Variants in H6PD observed in about 807,000 individuals in gnomAD.
H6PD encodes the protein hexose-6-phosphate dehydrogenase/glucose 1-dehydrogenase.
Under a neutral mutation model 61.2 loss-of-function variants are expected in H6PD, and 48 were observed. The ratio of observed to expected loss-of-function variants is 0.78; its 90% CI spans 0.62 to 1.00. The LOEUF is 1.00. Ranked by LOEUF, H6PD falls within the 50% of genes least tolerant of loss-of-function variation. The pLI, the probability that H6PD is intolerant of heterozygous loss-of-function variation, is 0.00. For missense variants in H6PD, 1,093 were observed against 1,065.0 expected, an observed-to-expected ratio of 1.03 and a Z score of -0.37; for synonymous variants, 480 against 457.9, an observed-to-expected ratio of 1.05 and a Z score of -0.62.
chr1:9,248,681 G>C lies in H6PD; in HGVS notation c.745+1598G>C, dbSNP rs553607852. 9.3e-5 allele frequency among the ~76,000 whole-genome samples: 14 copies of C among 150,798 alleles called. No homozygotes were observed. In the South Asian group the frequency reaches 2.1e-3, roughly 23 times the overall value. The stretch of plus-strand genomic sequence containing the variant: ...GGGTGTTGCAGGCAGGCAGCGTGGT[G>C]GGGGGACAATGTGGGGGGTGGGCGG... On this transcript the variant is annotated intron_variant, in intron 3 of 4. Coordinates refer to ENST00000377403, the MANE Select transcript of H6PD (RefSeq NM_004285.4).
Position 9,234,787 on chromosome 1 carries a change from G to T in H6PD, c.-290G>T, listed in dbSNP as rs1447870421. On this transcript the variant is annotated 5_prime_UTR_variant, in exon 1 of 5. Transcript: ENST00000377403. ...GGCCCGGGCCCCAGTCTTGCTGAGC[G>T]CAAGGCGGTGGAGGCCTGAGGCCTG... 2 of 146,452 alleles carry T rather than the reference G, an allele frequency of 1.4e-5. No individual in the cohort carries two copies. The highest frequency in any genetic ancestry group is 4.9e-5 in the African/African-American group (2 of 40,640). The allele number at this position is 146,452 out of a possible 1,614,324, so 9.1% of individuals were successfully genotyped here. A position where few individuals can be genotyped will look rare whatever the true frequency, so the allele number is the denominator to read the frequency against.
chr1:9,263,685 C>T lies in H6PD; in HGVS notation c.1192C>T (p.Leu398Phe). The change falls in exon 5 of 5, where the codon CTC becomes TTC. Residue 398 changes from leucine to phenylalanine, a missense_variant. Physicochemically the swap from Leu to Phe is conservative, Grantham distance 22. Transcript: ENST00000377403. ...AAQSQCLPRQLVFHIGHGDLG... is the reference protein window; with the variant it reads ...AAQSQCLPRQFVFHIGHGDLG... ...GCAGAGCCAGTGCCTGCCCCGGCAG[C>T]TCGTCTTCCACATCGGCCATGGCGA... 1 of 1,614,046 alleles carries T rather than the reference C, an allele frequency of 6.2e-7. No individual in the cohort carries two copies. Among genetic ancestry groups the T allele is most frequent in the Non-Finnish European group, 8.5e-7 (1 of 1,180,016 alleles).
At chr1:9,246,350 A>G (rs1389097411) in intron 2 of H6PD, among the ~76,000 whole-genome samples, 3 of 152,258 alleles carry the variant, frequency 2.0e-5, no homozygotes, top group African/African-American at 7.2e-5. Context: ...AGTCCTGGGC[A>G]GGAGCATGGG....
At position 9,235,003 on chromosome 1, in the gene H6PD, C is replaced by T. The variant is rs1025649623; in HGVS notation, c.-74C>T. On this transcript the variant is annotated 5_prime_UTR_variant, in exon 1 of 5. Coordinates refer to ENST00000377403, the MANE Select transcript of H6PD (RefSeq NM_004285.4). ...CGCAGGGGAGCCCTCGGGAGCGGGC[C>T]CGGCCCTCAGCGCCGCCCCGGCCGT... The T allele has an allele frequency of 6.8e-6, 1 of 148,094 alleles. No homozygotes were observed. The highest frequency in any genetic ancestry group is 6.7e-5 in the Admixed American group (1 of 14,916). The allele number at this position is 148,094 out of a possible 1,614,324, so 9.2% of individuals were successfully genotyped here. A position where few individuals can be genotyped will look rare whatever the true frequency, so the allele number is the denominator to read the frequency against.
chr1:9,256,825 T>G (rs1641535182), intron 3 of H6PD, among the ~76,000 whole-genome samples: 1 of 152,148 alleles, frequency 6.6e-6, no homozygotes, highest in African/African-American at 2.4e-5. Flanking sequence ...CTGACCTATT[T>G]CCTCATCTTA....
chr1:9,253,484 T>G (rs1008409172), intron 3 of H6PD, among the ~76,000 whole-genome samples: 1 of 152,248 alleles, frequency 6.6e-6, no homozygotes, highest in African/African-American at 2.4e-5. Context: ...ATTCATTGAT[T>G]GGAAGACATT....
At chr1:9,255,529 A>G (rs1369164735) in intron 3 of H6PD, among the ~76,000 whole-genome samples, 3 of 152,066 alleles carry the variant, frequency 2.0e-5, no homozygotes, top group African/African-American at 7.2e-5. Flanking sequence ...AGATCTGCCC[A>G]CCTCAGCCTC....
At chr1:9,239,893 T>C in intron 1 of H6PD, 2 of 748,472 alleles carry the variant, frequency 2.7e-6, no homozygotes, top group Non-Finnish European at 3.7e-6. Flanking sequence ...GGGTCTGCTG[T>C]GCCGGGTCTG....
intron 3 of H6PD, among the ~76,000 whole-genome samples, chr1:9,252,530 C>G (rs570685485): frequency 6.6e-6 from 1 of 152,196 alleles, no homozygotes; most frequent in East Asian, 1.9e-4. Context: ...CCCACCTCCC[C>G]GGCTTCTATC....
intron 3 of H6PD, among the ~76,000 whole-genome samples, chr1:9,249,306 C>CT (rs1641284361): frequency 6.6e-6 from 1 of 152,092 alleles, no homozygotes; most frequent in East Asian, 1.9e-4. Flanking sequence ...ATTGCAGGCC[C>CT]GATTATCCTA....
At chr1:9,236,052 C>T (rs919258897) in intron 1 of H6PD, among the ~76,000 whole-genome samples, 2 of 152,144 alleles carry the variant, frequency 1.3e-5, no homozygotes, top group African/African-American at 4.8e-5. Flanking sequence ...TGCAATGGCG[C>T]GATCTCGGCC....
rs569656513 is a variant in H6PD at position 9,244,863 on chromosome 1, G to A, written c.-10-62G>A. 11 of 1,492,076 alleles carry A rather than the reference G, an allele frequency of 7.4e-6. No individual in the cohort carries two copies. In the East Asian group the frequency reaches 1.4e-4, roughly 18 times the overall value. The allele number at this position is 1,492,076 out of a possible 1,614,324, so 92.4% of individuals were successfully genotyped here. On this transcript the variant is annotated intron_variant, in intron 1 of 4. Coordinates refer to ENST00000377403, the MANE Select transcript of H6PD (RefSeq NM_004285.4). ...GGCAGGAAGTGTTTGTTTCCACATC[G>A]TAGCCACCTGAACCATGTCTGATCC...
At chr1:9,250,420 C>T (rs1266129653) in intron 3 of H6PD, among the ~76,000 whole-genome samples, 15 of 142,838 alleles carry the variant, frequency 1.1e-4, no homozygotes, top group Admixed American at 2.8e-4. Flanking sequence ...CTCCCTACCC[C>T]ACACACACCG....
intron 1 of H6PD, among the ~76,000 whole-genome samples, chr1:9,236,579 G>C (rs1013762696): frequency 1.3e-5 from 2 of 151,332 alleles, no homozygotes; most frequent in Non-Finnish European, 2.9e-5. Context: ...AAAATCGCTT[G>C]AACCGCCCTG....
At chr1:9,247,554 C>T (rs1447973536) in intron 3 of H6PD, among the ~76,000 whole-genome samples, 1 of 152,120 alleles carries the variant, frequency 6.6e-6, no homozygotes, top group African/African-American at 2.4e-5. Context: ...CCTGCAGGCC[C>T]ACTCCCCTCA....
At position 9,245,355 on chromosome 1, in the gene H6PD, T is replaced by C; in HGVS notation, c.421T>C (p.Tyr141His). The C allele has an allele frequency of 1.2e-6, 2 of 1,614,158 alleles. No individual in the cohort carries two copies. Among genetic ancestry groups the C allele is most frequent in the Non-Finnish European group, 1.7e-6 (2 of 1,179,988 alleles). ...CCTCCGGGAGGCTGGCAGGATCTTC[T>C]ACTTCTCAGTGCCACCCTTCGCCTA... ...AGLREAGRIF[Y>H]FSVPPFAYED... is the part of the protein sequence containing the mutation. The change falls in exon 2 of 5, where the codon TAC (tyrosine) becomes CAC (histidine). Residue 141 changes from tyrosine to histidine, a missense_variant. Physicochemically the swap from Tyr to His is moderately conservative, Grantham distance 83. Transcript: ENST00000377403. The surrounding 1 kb of genome is among the most constrained non-coding windows in gnomAD (Gnocchi z 4.8).
chr1:9,271,285 C>T lies in H6PD; in HGVS notation c.*6416C>T, dbSNP rs915866100. The T allele has an allele frequency of 6.6e-6, 1 of 152,188 alleles. No individual in the cohort carries two copies. The highest frequency in any genetic ancestry group is 2.4e-5 in the African/African-American group (1 of 41,432). 9.4% of individuals were successfully genotyped at this position (152,188 alleles called of 1,614,324 possible). ...AAGAACATTTTTAAAATGTCTTTTT[C>T]TATGTCAAATGTAACGTTTATTTTT... On this transcript the variant is annotated 3_prime_UTR_variant, in exon 5 of 5. Transcript: ENST00000377403.
At position 9,247,006 on chromosome 1, in the gene H6PD, A is replaced by G. The variant is rs201802627; in HGVS notation, c.668A>G (p.Lys223Arg). 2 of 1,614,042 alleles carry G rather than the reference A, an allele frequency of 1.2e-6. No homozygotes were observed. Among genetic ancestry groups the G allele is most frequent in the Non-Finnish European group, 1.7e-6 (2 of 1,179,936 alleles). The part of the protein sequence containing the change: ...QILPFRDQNR[K>R]ALDGLWNRHH... ...CTGCCTTTCCGAGACCAGAACCGCA[A>G]GGCTTTGGACGGCCTCTGGAACCGG... Residue 223 changes from lysine (K) to arginine (R), a missense_variant, in exon 3 of 5, where the codon AAG becomes AGG. Coordinates refer to ENST00000377403, the MANE Select transcript of H6PD (RefSeq NM_004285.4).
Position 9,264,941 on chromosome 1 carries a change from C to T in H6PD, c.*72C>T. On this transcript the variant is annotated 3_prime_UTR_variant, in exon 5 of 5. Coordinates refer to ENST00000377403, the MANE Select transcript of H6PD (RefSeq NM_004285.4). ...CCGTGTCTTCCCTCCCTTCTCGGCCCCGCCACCTGCCCAGCGTGCCCTGGC... is the reference window on the plus strand; with the variant it reads ...CCGTGTCTTCCCTCCCTTCTCGGCCTCGCCACCTGCCCAGCGTGCCCTGGC... 1 of 1,530,064 alleles carries T rather than the reference C, an allele frequency of 6.5e-7. No homozygotes were observed. The highest frequency in any genetic ancestry group is 1.7e-5 in the Admixed American group (1 of 59,094). The allele number at this position is 1,530,064 out of a possible 1,614,324, so 94.8% of individuals were successfully genotyped here.
Sources: allele counts gnomAD v4.1 joint callset (sites outside exome capture counted in the v4.1 genomes callset), GRCh38; gene constraint gnomAD v4.1.1; non-coding constraint Gnocchi (gnomAD v3.1); transcripts MANE v1.5; gene names NCBI Gene and HGNC (gene_info 2026-07-23, HGNC 2026-07-21).